Variants in GALNTL6 observed in about 807,000 individuals in gnomAD.
GALNTL6 encodes the protein polypeptide N-acetylgalactosaminyltransferase-like 6.
In GALNTL6, 46 loss-of-function variants were observed where a neutral mutation model predicts 73.7. The ratio of observed to expected loss-of-function variants is 0.62; its 90% CI spans 0.49 to 0.80. GALNTL6 has a LOEUF of 0.80. GALNTL6 is among the 30% of genes least tolerant of loss of function. GALNTL6 has a pLI of 0.00. For synonymous variants in GALNTL6, 259 were observed against 263.7 expected, an observed-to-expected ratio of 0.98 and a Z score of 0.17; for missense variants, 604 against 755.0, an observed-to-expected ratio of 0.80 and a Z score of 2.34.
intron 4 of GALNTL6, among the ~76,000 whole-genome samples, chr4:172,330,386 C>G (rs1455874171): frequency 6.6e-6 from 1 of 152,200 alleles, no homozygotes; most frequent in Non-Finnish European, 1.5e-5. Flanking sequence ...CTTATCACTT[C>G]CCTGAGCTAG....
intron 5 of GALNTL6, among the ~76,000 whole-genome samples, chr4:172,451,044 GTTCA>G (rs1732190152): frequency 6.6e-6 from 1 of 152,172 alleles, no homozygotes; most frequent in African/African-American, 2.4e-5. Flanking sequence ...CCCAGACTCT[GTTCA>G]GCACACAGTA....
At chr4:172,985,006 C>T (rs1035809333) in intron 10 of GALNTL6, among the ~76,000 whole-genome samples, 2 of 152,030 alleles carry the variant, frequency 1.3e-5, no homozygotes, top group African/African-American at 4.8e-5. Context: ...TAAAATAATA[C>T]TGATGGCCTT....
intron 2 of GALNTL6, among the ~76,000 whole-genome samples, chr4:172,178,679 A>T (rs1360631096): frequency 2.2e-5 from 3 of 137,342 alleles, no homozygotes; most frequent in Non-Finnish European, 3.1e-5. Context: ...TTATACTTTA[A>T]GTTTTAGGGT....
At chr4:172,928,402 T>C (rs189613906) in intron 8 of GALNTL6, among the ~76,000 whole-genome samples, 12 of 152,324 alleles carry the variant, frequency 7.9e-5, no homozygotes, top group Admixed American at 7.8e-4. Context: ...AAGTCTGTCA[T>C]TGAATTGTGA....
Position 172,813,689 on chromosome 4 carries a change from G to A in GALNTL6, c.889G>A (p.Glu297Lys), listed in dbSNP as rs756078206. 1 of 1,611,036 alleles carries A rather than the reference G, an allele frequency of 6.2e-7. No individual in the cohort carries two copies. The highest frequency in any genetic ancestry group is 8.5e-7 in the Non-Finnish European group (1 of 1,177,684). ...MYYKRIPIPP[E>K]LQRADPSDPF... is the part of the protein sequence containing the mutation. ...CTACAAAAGAATCCCCATCCCTCCA[G>A]AGCTCCAGAGGGCAGATCCCAGCGA... Residue 297 changes from glutamate to lysine, a missense_variant, in exon 7 of 13, where the codon GAG becomes AAG. Physicochemically the swap from Glu to Lys is moderately conservative, Grantham distance 56. This residue lies in a region of GALNTL6 where 179 missense variants were observed against 230.8 expected (regional missense o/e 0.78). Transcript: ENST00000506823.
intron 2 of GALNTL6, among the ~76,000 whole-genome samples, chr4:172,028,345 T>C (rs941032613): frequency 7.2e-5 from 11 of 152,022 alleles, no homozygotes; most frequent in Non-Finnish European, 1.5e-4. Context: ...GGAAACATCT[T>C]CAGCAAATAT....
chr4:172,306,849 T>C (rs1479486150), intron 3 of GALNTL6, among the ~76,000 whole-genome samples: 1 of 152,236 alleles, frequency 6.6e-6, no homozygotes, highest in Non-Finnish European at 1.5e-5. Context: ...ACATTTTCTT[T>C]ACACACTCAT....
chr4:172,285,578 G>T (rs932452852), intron 3 of GALNTL6, among the ~76,000 whole-genome samples: 1 of 152,118 alleles, frequency 6.6e-6, no homozygotes, highest in Non-Finnish European at 1.5e-5. Flanking sequence ...TCTGTCAAGC[G>T]CATTGGCTTA....
chr4:172,828,358 C>A (rs1742393803), intron 7 of GALNTL6, among the ~76,000 whole-genome samples: 1 of 151,914 alleles, frequency 6.6e-6, no homozygotes, highest in Non-Finnish European at 1.5e-5. Flanking sequence ...CAATTGCTTT[C>A]CCTGCACCCC....
chr4:172,769,038 A>C (rs1738604761), intron 5 of GALNTL6, among the ~76,000 whole-genome samples: 1 of 152,104 alleles, frequency 6.6e-6, no homozygotes, highest in African/African-American at 2.4e-5. Context: ...CACAGTGTAG[A>C]ATATATTTAA....
At chr4:172,037,318 A>C (rs1741955477) in intron 2 of GALNTL6, among the ~76,000 whole-genome samples, 3 of 152,182 alleles carry the variant, frequency 2.0e-5, no homozygotes, top group Admixed American at 2.0e-4. Flanking sequence ...ATTCCTGCAG[A>C]ATCTCCCCAC....
chr4:172,983,231 C>G (rs1332789798), intron 10 of GALNTL6, among the ~76,000 whole-genome samples: 1 of 152,142 alleles, frequency 6.6e-6, no homozygotes, highest in East Asian at 1.9e-4. Flanking sequence ...CCACCAGAGG[C>G]AAAGAACGTA....
At chr4:172,044,652 G>T (rs889830498) in intron 2 of GALNTL6, among the ~76,000 whole-genome samples, 1 of 151,918 alleles carries the variant, frequency 6.6e-6, no homozygotes, top group African/African-American at 2.4e-5. Context: ...GTATAACACT[G>T]GGAAAGAGAT....
chr4:172,779,742 C>G (rs1739276182), intron 5 of GALNTL6, among the ~76,000 whole-genome samples: 1 of 152,170 alleles, frequency 6.6e-6, no homozygotes, highest in Non-Finnish European at 1.5e-5. Flanking sequence ...CATTTACTGA[C>G]AGCAATTGTG....
intron 9 of GALNTL6, among the ~76,000 whole-genome samples, chr4:172,951,671 T>G (rs1459769232): frequency 6.6e-6 from 1 of 152,272 alleles, no homozygotes; most frequent in East Asian, 1.9e-4. Flanking sequence ...CTGAGAGGAA[T>G]GTCATTCTCT....
intron 5 of GALNTL6, among the ~76,000 whole-genome samples, chr4:172,572,951 A>G (rs1031887643): frequency 4.6e-5 from 7 of 152,118 alleles, no homozygotes; most frequent in Non-Finnish European, 7.4e-5. Flanking sequence ...ATGCTCCAAA[A>G]CATAAGTCCC....
intron 2 of GALNTL6, among the ~76,000 whole-genome samples, chr4:171,924,632 C>A (rs2110985451): frequency 6.6e-6 from 1 of 152,222 alleles, no homozygotes; most frequent in Middle Eastern, 3.4e-3. Context: ...TTTGAGCCAC[C>A]AAAGCATAGC....
At chr4:172,192,457 C>T (rs1464205448) in intron 2 of GALNTL6, among the ~76,000 whole-genome samples, 1 of 151,822 alleles carries the variant, frequency 6.6e-6, no homozygotes, top group African/African-American at 2.4e-5. Flanking sequence ...GCAAGTGAAT[C>T]CTGCACCTTC....
At chr4:172,326,587 T>TTTAATG (rs1237749259) in intron 4 of GALNTL6, among the ~76,000 whole-genome samples, 4 of 152,044 alleles carry the variant, frequency 2.6e-5, no homozygotes, top group Non-Finnish European at 4.4e-5. Context: ...ATTTGTGTCT[T>TTTAATG]TATATTAAAA....
Sources: gnomAD v4.1 joint callset for allele counts (sites outside exome capture counted in the v4.1 genomes callset) on GRCh38, gnomAD v4.1.1 for gene constraint, gnomAD v4.1.1 regional missense constraint, MANE v1.5 for transcripts, NCBI Gene and HGNC (gene_info 2026-07-23, HGNC 2026-07-21) for gene names.